Variants in CEBPG observed in about 807,000 individuals in gnomAD.
The protein encoded by CEBPG is CCAAT/enhancer-binding protein gamma.
CEBPG carries 6 observed loss-of-function variants against 11.1 expected under a neutral mutation model. That is an observed-to-expected ratio of 0.54 (90% CI 0.30 to 1.07). CEBPG has a LOEUF of 1.07. CEBPG is among the 50% of genes least tolerant of loss of function. The probability of loss-of-function intolerance (pLI) is 0.07; values close to 1 mark genes in which losing one functional copy is unlikely to be tolerated. For missense variants in CEBPG, 161 were observed against 187.4 expected, an observed-to-expected ratio of 0.86 and a Z score of 0.82; for synonymous variants, 66 against 71.0, an observed-to-expected ratio of 0.93 and a Z score of 0.36.
Position 33,382,160 on chromosome 19 carries a change from C to A in CEBPG, c.*2468C>A, listed in dbSNP as rs545041337. ...AAATTTCTAGCTGCATCTGAGTCTC[C>A]TGGGATGGGTGCTCTTTGGCTGGTT... On this transcript the variant is annotated 3_prime_UTR_variant, in exon 2 of 2. Coordinates refer to ENST00000284000, the MANE Select transcript of CEBPG (RefSeq NM_001806.4). 6.0e-6 allele frequency: 1 copy of A among 167,252 alleles called. No homozygotes were observed. The highest frequency in any genetic ancestry group is 2.4e-5 in the African/African-American group (1 of 41,562). 10.4% of individuals were successfully genotyped at this position (167,252 alleles called of 1,614,324 possible).
At chr19:33,378,545 C>T (rs964144852) in intron 1 of CEBPG, among the ~76,000 whole-genome samples, 27 of 152,056 alleles carry the variant, frequency 1.8e-4, no homozygotes, top group African/African-American at 6.0e-4. Flanking sequence ...TTTGGTTAAA[C>T]TGTGGAATTA....
chr19:33,376,923 G>T (rs980022032), intron 1 of CEBPG, among the ~76,000 whole-genome samples: 1 of 152,288 alleles, frequency 6.6e-6, no homozygotes, highest in South Asian at 2.1e-4. Flanking sequence ...TATGGTTAAA[G>T]AACTTACTAA....
At chr19:33,375,172 T>C (rs189964321) in intron 1 of CEBPG, among the ~76,000 whole-genome samples, 1 of 152,334 alleles carries the variant, frequency 6.6e-6, no homozygotes, top group East Asian at 1.9e-4. Context: ...TTAAAAAAAG[T>C]AGATGGAAAC....
rs1967951366 is a variant in CEBPG at position 33,379,214 on chromosome 19, C to T, written c.-26C>T. 1 of 1,511,982 alleles carries T rather than the reference C, an allele frequency of 6.6e-7. No homozygotes were observed. The highest frequency in any genetic ancestry group is 1.4e-5 in the African/African-American group (1 of 71,656). The allele number at this position is 1,511,982 out of a possible 1,614,324, so 93.7% of individuals were successfully genotyped here. On this transcript the variant is annotated 5_prime_UTR_variant, in exon 2 of 2. Coordinates refer to ENST00000284000, the MANE Select transcript of CEBPG (RefSeq NM_001806.4). ...CACCCTGCTCTCATTTCTACCTGTT[C>T]TGTGTTGGCAAGGGAGAGTGCCCAA... is the stretch of plus-strand genomic sequence containing the variant.
Position 33,377,883 on chromosome 19 carries a change from C to G in CEBPG, c.-96-1261C>G, listed in dbSNP as rs1967930870. Reference sequence around the variant, plus strand: ...GACCAATAAACAGTGTACAGAATTGCCTGGCTGAAGGTTTGGGTGTAGCTA... The same window carrying G: ...GACCAATAAACAGTGTACAGAATTGGCTGGCTGAAGGTTTGGGTGTAGCTA... On this transcript the variant is annotated intron_variant, in intron 1 of 1. Transcript: ENST00000284000. Among the ~76,000 whole-genome samples, 2 of 152,160 alleles carry G rather than the reference C, an allele frequency of 1.3e-5. 1 individual carries two copies. Among genetic ancestry groups the G allele is most frequent in the South Asian group, 4.1e-4 (2 of 4,832 alleles).
Position 33,379,745 on chromosome 19 carries a change from C to T in CEBPG, c.*53C>T, listed in dbSNP as rs1967962530. ...TGTGGCTTGAATGTTAAAGGTGTGA[C>T]CACCGACACCACTCATGTCAATGGC... On this transcript the variant is annotated 3_prime_UTR_variant, in exon 2 of 2. Coordinates refer to ENST00000284000, the MANE Select transcript of CEBPG (RefSeq NM_001806.4). 6.9e-7 allele frequency: 1 copy of T among 1,455,146 alleles called. No homozygotes were observed. Among genetic ancestry groups the T allele is most frequent in the Non-Finnish European group, 9.3e-7 (1 of 1,072,734 alleles). The allele number at this position is 1,455,146 out of a possible 1,614,324, so 90.1% of individuals were successfully genotyped here. A position where few individuals can be genotyped will look rare whatever the true frequency, so the allele number is the denominator to read the frequency against.
At chr19:33,378,061 C>T (rs978780962) in intron 1 of CEBPG, among the ~76,000 whole-genome samples, 1 of 152,214 alleles carries the variant, frequency 6.6e-6, no homozygotes, top group African/African-American at 2.4e-5. Context: ...TCTAAGAGTG[C>T]CCTGATTCCT....
intron 1 of CEBPG, among the ~76,000 whole-genome samples, chr19:33,376,266 A>G (rs188764665): frequency 1.6e-4 from 24 of 152,312 alleles, no homozygotes; most frequent in Admixed American, 1.6e-3. Flanking sequence ...AATTCTTGAT[A>G]GGTTTATTTT....
chr19:33,375,388 A>G (rs1967899917), intron 1 of CEBPG, among the ~76,000 whole-genome samples: 1 of 152,134 alleles, frequency 6.6e-6, no homozygotes, highest in African/African-American at 2.4e-5. Context: ...TGGTAAATAC[A>G]GGTAGCCACG....
At chr19:33,377,834 A>C (rs1967930326) in intron 1 of CEBPG, among the ~76,000 whole-genome samples, 1 of 152,236 alleles carries the variant, frequency 6.6e-6, no homozygotes, top group Non-Finnish European at 1.5e-5. Context: ...GGACTTTTCA[A>C]AGCAAAGATG....
At chr19:33,375,429 G>T (rs1329767858) in intron 1 of CEBPG, among the ~76,000 whole-genome samples, 1 of 152,070 alleles carries the variant, frequency 6.6e-6, no homozygotes, top group Non-Finnish European at 1.5e-5. Flanking sequence ...TCTTGGGAGG[G>T]TTGGTTCCAT....
chr19:33,380,267 C>G lies in CEBPG; in HGVS notation c.*575C>G, dbSNP rs1400589049. ...CCCAAAAGTACAAGTTTTTGAGTAG[C>G]AATGTCAGGTTAAGTAAAGAAACTT... On this transcript the variant is annotated 3_prime_UTR_variant, in exon 2 of 2. Coordinates refer to ENST00000284000, the MANE Select transcript of CEBPG (RefSeq NM_001806.4). 6.0e-6 allele frequency: 1 copy of G among 166,996 alleles called. No individual in the cohort carries two copies. Among genetic ancestry groups the G allele is most frequent in the African/African-American group, 2.4e-5 (1 of 41,434 alleles). The allele number at this position is 166,996 out of a possible 1,614,324, so 10.3% of individuals were successfully genotyped here. A position where few individuals can be genotyped will look rare whatever the true frequency, so the allele number is the denominator to read the frequency against.
rs1460182888 is a variant in CEBPG, at chr19:33,380,599, T to C, written c.*907T>C. ...AAGCTACTGATGAGGGTTTGGAATATTAATTCAGAAGGTAGTTTCTCTTGT... is the reference window on the plus strand; with the variant it reads ...AAGCTACTGATGAGGGTTTGGAATACTAATTCAGAAGGTAGTTTCTCTTGT... On this transcript the variant is annotated 3_prime_UTR_variant, in exon 2 of 2. Transcript: ENST00000284000. 1.8e-5 allele frequency: 3 copies of C among 167,066 alleles called. No individual in the cohort carries two copies. The highest frequency in any genetic ancestry group is 4.4e-5 in the Non-Finnish European group (3 of 68,120). 10.3% of individuals were successfully genotyped at this position (167,066 alleles called of 1,614,324 possible). A position where few individuals can be genotyped will look rare whatever the true frequency, so the allele number is the denominator to read the frequency against.
At position 33,381,126 on chromosome 19, in the gene CEBPG, A is replaced by AT. The variant is rs1312195354; in HGVS notation, c.*1440dup. ...GCACAGTTCTAGCTCAAATTTGTGT[A>AT]TTTTTTGTGTGCCTGGGCTGGAGAT... is the stretch of plus-strand genomic sequence containing the variant. On this transcript the variant is annotated 3_prime_UTR_variant, in exon 2 of 2. Coordinates refer to ENST00000284000, the MANE Select transcript of CEBPG (RefSeq NM_001806.4). The AT allele has an allele frequency of 6.0e-6, 1 of 166,444 alleles. No homozygotes were observed. Among genetic ancestry groups the AT allele is most frequent in the Non-Finnish European group, 1.5e-5 (1 of 67,932 alleles). 10.3% of individuals were successfully genotyped at this position (166,444 alleles called of 1,614,324 possible). A position where few individuals can be genotyped will look rare whatever the true frequency, so the allele number is the denominator to read the frequency against.
rs938897589 is a variant in CEBPG at position 33,373,846 on chromosome 19, G to A, written c.-146G>A. 2 of 151,782 alleles carry A rather than the reference G, an allele frequency of 1.3e-5. No individual in the cohort carries two copies. The highest frequency in any genetic ancestry group is 2.9e-5 in the Non-Finnish European group (2 of 67,992). The allele number at this position is 151,782 out of a possible 1,614,324, so 9.4% of individuals were successfully genotyped here. A position where few individuals can be genotyped will look rare whatever the true frequency, so the allele number is the denominator to read the frequency against. ...GGGTCGGCTCGGGCCGCACCGCGCGGGGCCGCTCGGAGTGGAGGCCGCCTG... is the reference window on the plus strand; with the variant it reads ...GGGTCGGCTCGGGCCGCACCGCGCGAGGCCGCTCGGAGTGGAGGCCGCCTG... On this transcript the variant is annotated 5_prime_UTR_variant, in exon 1 of 2. Transcript: ENST00000284000.
At chr19:33,375,608 G>T (rs987770797) in intron 1 of CEBPG, among the ~76,000 whole-genome samples, 1 of 152,182 alleles carries the variant, frequency 6.6e-6, no homozygotes, top group African/African-American at 2.4e-5. Flanking sequence ...TTAGAAAGAT[G>T]ATGTTGATGT....
rs1431019930 is a variant in CEBPG, at chr19:33,381,655, A to G, written c.*1963A>G. 6.0e-6 allele frequency: 1 copy of G among 167,112 alleles called. No homozygotes were observed. Among genetic ancestry groups the G allele is most frequent in the African/African-American group, 2.4e-5 (1 of 41,462 alleles). 10.4% of individuals were successfully genotyped at this position (167,112 alleles called of 1,614,324 possible). A position where few individuals can be genotyped will look rare whatever the true frequency, so the allele number is the denominator to read the frequency against. ...CACTTGAATGTATAAGCAAGCACCT[A>G]TGGTAGGCGCTACAGACATTTAAAT... On this transcript the variant is annotated 3_prime_UTR_variant, in exon 2 of 2. Transcript: ENST00000284000.
chr19:33,379,410 C>T lies in CEBPG; in HGVS notation c.171C>T (p.Pro57=). Residue 57 remains proline (P), a synonymous_variant, in exon 2 of 2, where the codon CCC becomes CCT. Coordinates refer to ENST00000284000, the MANE Select transcript of CEBPG (RefSeq NM_001806.4). ...GCAAGCAGAGCAAAAAGAGTTCGCC[C>T]ATGGATCGAAACAGTGACGAGTATC... ...APSKQSKKSS[P]MDRNSDEYRQ... 1 of 1,613,968 alleles carries T rather than the reference C, an allele frequency of 6.2e-7. No homozygotes were observed. The highest frequency in any genetic ancestry group is 8.5e-7 in the Non-Finnish European group (1 of 1,180,020).
chr19:33,379,742 T>TGA lies in CEBPG; in HGVS notation c.*51_*52dup. Reference sequence around the variant, plus strand: ...GCTTGTGGCTTGAATGTTAAAGGTGTGACCACCGACACCACTCATGTCAAT... The same window carrying TGA: ...GCTTGTGGCTTGAATGTTAAAGGTGTGAGACCACCGACACCACTCATGTCAAT... On this transcript the variant is annotated 3_prime_UTR_variant, in exon 2 of 2. Transcript: ENST00000284000. The TGA allele has an allele frequency of 6.7e-7, 1 of 1,502,456 alleles. No homozygotes were observed. The highest frequency in any genetic ancestry group is 9.0e-7 in the Non-Finnish European group (1 of 1,110,756). 93.1% of individuals were successfully genotyped at this position (1,502,456 alleles called of 1,614,324 possible).
Sources: gnomAD v4.1 joint callset for allele counts (sites outside exome capture counted in the v4.1 genomes callset) on GRCh38, gnomAD v4.1.1 for gene constraint, MANE v1.5 for transcripts, NCBI Gene and HGNC (gene_info 2026-07-23, HGNC 2026-07-21) for gene names.